TMEM245: variants seen among roughly 807,000 people sequenced by gnomAD.
TMEM245 encodes the protein transmembrane protein 245, also known as protein CG-2.
In TMEM245, 69 loss-of-function variants were observed where a neutral mutation model predicts 101.2. That is an observed-to-expected ratio of 0.68 (90% CI 0.56 to 0.83). The LOEUF is 0.83. Among genes scored for constraint, TMEM245 ranks in the 40% least tolerant of loss-of-function variants. The pLI is 0.00. For missense variants in TMEM245, 1,075 were observed against 1,092.8 expected (o/e 0.98, Z 0.23); for synonymous variants, 537 against 449.8 (o/e 1.19, Z -2.45).
chr9:109,028,600 G>A (rs1266499054), intron 17 of TMEM245, among the ~76,000 whole-genome samples: 1 of 152,020 alleles, frequency 6.6e-6, no homozygotes, highest in East Asian at 1.9e-4. Context: ...GGATTTTACA[G>A]ATATAATGAA....
chr9:109,098,011 G>C (rs938133348), intron 3 of TMEM245, among the ~76,000 whole-genome samples: 1 of 152,120 alleles, frequency 6.6e-6, no homozygotes, highest in Non-Finnish European at 1.5e-5. Context: ...TCAATCTGTT[G>C]GCTTCGACAG....
At chr9:109,069,588 C>T (rs1397187024) in intron 9 of TMEM245, among the ~76,000 whole-genome samples, 1 of 152,114 alleles carries the variant, frequency 6.6e-6, no homozygotes, top group African/African-American at 2.4e-5. Flanking sequence ...TATCCATATC[C>T]ATTCTGACCT....
Position 109,023,836 on chromosome 9 carries a change from C to CAA in TMEM245, c.2595-3333_2595-3332dup, listed in dbSNP as rs139227712. Among the ~76,000 whole-genome samples, 62 of 82,792 alleles carry CAA rather than the reference C, an allele frequency of 7.5e-4. No homozygotes were observed. The South Asian group carries it at 0.019, about 25-fold the overall frequency. 54.3% of individuals were successfully genotyped at this position (82,792 alleles called of 152,430 possible). A position where few individuals can be genotyped will look rare whatever the true frequency, so the allele number is the denominator to read the frequency against. On this transcript the variant is annotated intron_variant, in intron 17 of 17. Transcript: ENST00000374586. ...AGGCGACAGAGTGAGACTCTGTTTC[C>CAA]AAAAAAAAAAAAAAAAAGAATAAGC...
At position 109,080,935 on chromosome 9, in the gene TMEM245, G is replaced by A. The variant is rs1170249334; in HGVS notation, c.1353C>T (p.Ile451=). The A allele has an allele frequency of 1.9e-6, 3 of 1,595,168 alleles. No individual in the cohort carries two copies. In the African/African-American group the frequency reaches 4.0e-5, roughly 21 times the overall value. The change falls in exon 8 of 18, where the codon ATC becomes ATT. Residue 451 remains isoleucine (I), a synonymous_variant. Coordinates refer to ENST00000374586, the MANE Select transcript of TMEM245 (RefSeq NM_032012.4). ...TTTTATCTAACATCTTCTCCAACCA[G>A]ATGATCATCTGCACAAAAACGAAAA... is the stretch of plus-strand genomic sequence containing the variant. ...LWHWLNKKMI[I]WLEKMLDKII...
Position 109,018,249 on chromosome 9 carries a change from TAACAAA to T in TMEM245, c.*2205_*2210del, listed in dbSNP as rs989881089. 4 of 152,218 alleles carry T rather than the reference TAACAAA, an allele frequency of 2.6e-5. No individual in the cohort carries two copies. Among genetic ancestry groups the T allele is most frequent in the Non-Finnish European group, 5.9e-5 (4 of 68,028 alleles). The allele number at this position is 152,218 out of a possible 1,614,324, so 9.4% of individuals were successfully genotyped here. Reference sequence around the variant, plus strand: ...ATCTATAAATCAACCAGTATATAATTAACAAAAACAAATGATTTTTTAGCCTTTTAA... The same window carrying T: ...ATCTATAAATCAACCAGTATATAATTAACAAATGATTTTTTAGCCTTTTAA... On this transcript the variant is annotated 3_prime_UTR_variant, in exon 18 of 18. Coordinates refer to ENST00000374586, the MANE Select transcript of TMEM245 (RefSeq NM_032012.4).
intron 7 of TMEM245, 22 bp downstream of exon 7, chr9:109,085,975 C>G (rs775667360): frequency 1.2e-6 from 2 of 1,613,426 alleles, no homozygotes; most frequent in Admixed American, 3.3e-5. Context: ...TAGTAAAAAC[C>G]AACATCTGGG....
At chr9:109,023,413 T>A (rs1226053746) in intron 17 of TMEM245, among the ~76,000 whole-genome samples, 1 of 152,206 alleles carries the variant, frequency 6.6e-6, no homozygotes, top group Non-Finnish European at 1.5e-5. Flanking sequence ...TAGAAACAAA[T>A]ACTGTATTGA....
At position 109,102,937 on chromosome 9, in the gene TMEM245, T is replaced by C. The variant is rs561887978; in HGVS notation, c.799+3571A>G. Among the ~76,000 whole-genome samples, 10 of 152,366 alleles carry C rather than the reference T, an allele frequency of 6.6e-5. No homozygotes were observed. The South Asian group carries it at 8.3e-4, about 13-fold the overall frequency. On this transcript the variant is annotated intron_variant, in intron 3 of 17. Coordinates refer to ENST00000374586, the MANE Select transcript of TMEM245 (RefSeq NM_032012.4). ...CGGCTGGGTAACCAGAAGTCTGATC[T>C]GATGATTTGAGGACCACTACTATAT...
At chr9:109,064,347 T>C in intron 10 of TMEM245, 130 bp downstream of exon 10, 1 of 747,312 alleles carries the variant, frequency 1.3e-6, no homozygotes, top group South Asian at 1.8e-5. Context: ...CATTGTATGT[T>C]GCTTACCTGT....
chr9:109,048,318 T>C (rs1390027451), intron 14 of TMEM245, among the ~76,000 whole-genome samples: 2 of 152,140 alleles, frequency 1.3e-5, no homozygotes, highest in Admixed American at 6.5e-5. Context: ...TTTAGGAGCA[T>C]GCATCCTGTT....
chr9:109,086,256 C>A (rs1829833126), intron 6 of TMEM245, among the ~76,000 whole-genome samples: 1 of 152,138 alleles, frequency 6.6e-6, no homozygotes, highest in Non-Finnish European at 1.5e-5. Context: ...TGTTGGGAAT[C>A]CAACAATTAA....
intron 14 of TMEM245, among the ~76,000 whole-genome samples, chr9:109,041,377 T>C (rs1041055990): frequency 2.0e-5 from 3 of 150,546 alleles, no homozygotes; most frequent in Admixed American, 6.7e-5. Context: ...ACAGCACAGA[T>C]AGACAAATAC....
At chr9:109,072,099 T>C (rs1430189331) in intron 9 of TMEM245, among the ~76,000 whole-genome samples, 1 of 152,172 alleles carries the variant, frequency 6.6e-6, no homozygotes, top group East Asian at 1.9e-4. Context: ...GTGGGGTGCC[T>C]GTATAAACTG....
intron 12 of TMEM245, among the ~76,000 whole-genome samples, chr9:109,052,692 G>A (rs754277190): frequency 6.6e-6 from 1 of 152,094 alleles, no homozygotes; most frequent in East Asian, 1.9e-4. Context: ...GTTTGACCTC[G>A]TGGGATAAAG....
At chr9:109,032,578 G>GTACTAAACAT (rs1827993896) in intron 17 of TMEM245, among the ~76,000 whole-genome samples, 1 of 149,360 alleles carries the variant, frequency 6.7e-6, no homozygotes, top group African/African-American at 2.5e-5. Context: ...AGTAGAGATG[G>GTACTAAACAT]GGTTTTACCA....
At chr9:109,039,226 G>C (rs2132336650) in intron 14 of TMEM245, 1 of 152,252 alleles carries the variant, frequency 6.6e-6, no homozygotes, top group African/African-American at 2.4e-5. Context: ...TGTAAAACCT[G>C]CTTTGTCATC....
chr9:109,100,245 C>G (rs1282331931), intron 3 of TMEM245, among the ~76,000 whole-genome samples: 2 of 152,154 alleles, frequency 1.3e-5, no homozygotes, highest in Admixed American at 6.6e-5. Flanking sequence ...TTCAGGATGA[C>G]TGACACTTAC....
At chr9:109,074,659 A>T (rs565623204) in intron 8 of TMEM245, among the ~76,000 whole-genome samples, 1 of 150,768 alleles carries the variant, frequency 6.6e-6, no homozygotes, top group African/African-American at 2.4e-5. Flanking sequence ...ACAAAGACTG[A>T]CGGTATTTTT....
chr9:109,038,782 T>C (rs984097970), intron 14 of TMEM245: 1 of 152,212 alleles, frequency 6.6e-6, no homozygotes, highest in Non-Finnish European at 1.5e-5. Context: ...ACACATATAT[T>C]TGGTGACTAA....
Sources: allele counts gnomAD v4.1 joint callset (sites outside exome capture counted in the v4.1 genomes callset), GRCh38; gene constraint gnomAD v4.1.1; transcripts MANE v1.5; gene names NCBI Gene and HGNC (gene_info 2026-07-23, HGNC 2026-07-21).